The following NFIL3 variants were observed in gnomAD, a reference collection of about 807,000 sequenced individuals.
NFIL3 encodes the protein nuclear factor, interleukin 3 regulated.
NFIL3 carries 5 observed loss-of-function variants against 10.0 expected under a neutral mutation model. That is an observed-to-expected ratio of 0.50 (90% confidence interval 0.26 to 1.06). The LOEUF (loss-of-function observed/expected upper bound fraction) is 1.06, where lower values mean the gene tolerates loss of function less well. Ranked by LOEUF, NFIL3 falls within the 50% of genes least tolerant of loss-of-function variation. NFIL3 has a pLI of 0.13. For synonymous variants in NFIL3, 202 were observed against 206.5 expected, an observed-to-expected ratio of 0.98 and a Z score of 0.19; for missense variants, 436 against 547.6, an observed-to-expected ratio of 0.80 and a Z score of 2.03.
At chr9:91,481,902 T>C in the NFIL3 span, among the ~76,000 whole-genome samples, 17,564 of 152,202 alleles carry the variant, frequency 0.12, 2,238 homozygotes, top group African/African-American at 0.32. Context: ...AATAAACATA[T>C]GAAAATATAA....
intron 1 of NFIL3, among the ~76,000 whole-genome samples, chr9:91,412,704 T>C (rs1833576277): frequency 6.6e-6 from 1 of 151,580 alleles, no homozygotes; most frequent in East Asian, 1.9e-4. Context: ...ATTAGTCGGG[T>C]GTGGTGACAG....
chr9:91,429,099 A>T, the NFIL3 span, among the ~76,000 whole-genome samples: 2 of 152,252 alleles, frequency 1.3e-5, no homozygotes, highest in African/African-American at 4.8e-5. Flanking sequence ...AAATCATTTC[A>T]TGAAGAATAA....
chr9:91,432,233 A>G, the NFIL3 span, among the ~76,000 whole-genome samples: 3 of 152,192 alleles, frequency 2.0e-5, no homozygotes, highest in African/African-American at 4.8e-5. Flanking sequence ...CCTCTCTACA[A>G]TGTTTAGTGG....
At chr9:91,443,543 AG>A in the NFIL3 span, among the ~76,000 whole-genome samples, 1 of 152,262 alleles carries the variant, frequency 6.6e-6, no homozygotes, top group African/African-American at 2.4e-5. Context: ...CCAAGGCGGC[AG>A]GGGGCTAACA....
At chr9:91,468,557 C>G in the NFIL3 span, among the ~76,000 whole-genome samples, 2 of 152,144 alleles carry the variant, frequency 1.3e-5, no homozygotes, top group Non-Finnish European at 2.9e-5. Flanking sequence ...TCCCATTTAT[C>G]TATTTTGGCT....
chr9:91,469,859 C>A, the NFIL3 span, among the ~76,000 whole-genome samples: 12 of 152,162 alleles, frequency 7.9e-5, no homozygotes, highest in African/African-American at 2.4e-4. Flanking sequence ...GTTGAACCAG[C>A]CTTGCATCCC....
the NFIL3 span, among the ~76,000 whole-genome samples, chr9:91,433,417 A>G: frequency 1.3e-5 from 2 of 152,224 alleles, no homozygotes; most frequent in African/African-American, 4.8e-5. Flanking sequence ...CACAAGATCT[A>G]CTTACAAGCT....
At chr9:91,432,591 C>T in the NFIL3 span, among the ~76,000 whole-genome samples, 1 of 152,138 alleles carries the variant, frequency 6.6e-6, no homozygotes, top group Non-Finnish European at 1.5e-5. Context: ...TGTCCATTTT[C>T]TTATCTTTTG....
chr9:91,427,619 TTTGTTGTTG>T (rs139394510), upstream of NFIL3, among the ~76,000 whole-genome samples: 862 of 150,242 alleles, frequency 5.7e-3, 6 homozygotes, highest in African/African-American at 0.02. Flanking sequence ...GCATACCGTT[TTTGTTGTTG>T]TTGTTGTTGT....
chr9:91,466,491 G>T, the NFIL3 span, among the ~76,000 whole-genome samples: 1 of 152,142 alleles, frequency 6.6e-6, no homozygotes, highest in Non-Finnish European at 1.5e-5. Context: ...ATGTATGTTT[G>T]TATAATGTCT....
the NFIL3 span, among the ~76,000 whole-genome samples, chr9:91,451,369 A>G: frequency 6.6e-6 from 1 of 152,230 alleles, no homozygotes; most frequent in Non-Finnish European, 1.5e-5. Flanking sequence ...AAAATCACAT[A>G]TCCTTTTAAA....
the NFIL3 span, among the ~76,000 whole-genome samples, chr9:91,459,629 G>A: frequency 6.6e-6 from 1 of 152,146 alleles, no homozygotes. Context: ...AGGCTGCAGT[G>A]AACTATAATC....
chr9:91,424,879 A>T (rs1833852527), upstream of NFIL3, among the ~76,000 whole-genome samples: 1 of 152,236 alleles, frequency 6.6e-6, no homozygotes, highest in African/African-American at 2.4e-5. Flanking sequence ...TGGATACGGT[A>T]GTCTTCTCTC....
the NFIL3 span, among the ~76,000 whole-genome samples, chr9:91,444,365 CT>C: frequency 2.3e-3 from 353 of 152,142 alleles, 9 homozygotes; most frequent in Admixed American, 0.022. Context: ...TATCTGTATT[CT>C]TTTGTATCTT....
the NFIL3 span, among the ~76,000 whole-genome samples, chr9:91,458,043 T>C: frequency 1.3e-5 from 2 of 152,210 alleles, no homozygotes; most frequent in South Asian, 4.1e-4. Flanking sequence ...GTTCTTTTTA[T>C]ATATCAGTGA....
chr9:91,454,643 C>T, the NFIL3 span, among the ~76,000 whole-genome samples: 2 of 151,968 alleles, frequency 1.3e-5, no homozygotes, highest in African/African-American at 2.4e-5. Flanking sequence ...CCCAGCCTGG[C>T]CAACATGGTG....
chr9:91,420,582 C>T (rs1465242194), intron 1 of NFIL3, among the ~76,000 whole-genome samples: 1 of 152,110 alleles, frequency 6.6e-6, no homozygotes, highest in Non-Finnish European at 1.5e-5. Flanking sequence ...AGGATCTGTA[C>T]CTCACCGAAA....
the NFIL3 span, among the ~76,000 whole-genome samples, chr9:91,450,183 T>G: frequency 1.1e-3 from 161 of 152,274 alleles, 4 homozygotes; most frequent in South Asian, 0.032. Context: ...CTTTATTGTT[T>G]TTGTATTCTC....
At chr9:91,445,647 G>A in the NFIL3 span, among the ~76,000 whole-genome samples, 1 of 152,122 alleles carries the variant, frequency 6.6e-6, no homozygotes, top group Non-Finnish European at 1.5e-5. Context: ...GCATTGGCTT[G>A]GGCACTGGGG....
Sources: allele counts gnomAD v4.1 joint callset (sites outside exome capture counted in the v4.1 genomes callset), GRCh38; gene constraint gnomAD v4.1.1; transcripts MANE v1.5; gene names NCBI Gene and HGNC (gene_info 2026-07-23, HGNC 2026-07-21).